Variants in PYROXD1 observed in about 807,000 individuals in gnomAD.
PYROXD1 encodes pyridine nucleotide-disulphide oxidoreductase domain 1.
In PYROXD1, 42 loss-of-function variants were observed where a neutral mutation model predicts 62.0. That is an observed-to-expected ratio of 0.68 (90% CI 0.53 to 0.88). The LOEUF is 0.88. PYROXD1 is among the 40% of genes least tolerant of loss of function. PYROXD1 has a pLI of 0.00. For missense variants in PYROXD1, 493 were observed against 604.8 expected, an observed-to-expected ratio of 0.82 and a Z score of 1.94; for synonymous variants, 170 against 206.4, an observed-to-expected ratio of 0.82 and a Z score of 1.51.
chr12:21,445,289 G>A (rs1942365100), intron 2 of PYROXD1, 58 bp from the exon 3 acceptor site: 1 of 1,438,338 alleles, frequency 7.0e-7, no homozygotes, highest in Admixed American at 2.7e-5. Context: ...TATTATTTAA[G>A]ATTCTTGAAA....
chr12:21,451,500 T>G (rs1022916304), intron 4 of PYROXD1, among the ~76,000 whole-genome samples: 3 of 152,088 alleles, frequency 2.0e-5, no homozygotes, highest in Non-Finnish European at 4.4e-5. Flanking sequence ...TCCTACCAGC[T>G]TTGTCTGTGT....
chr12:21,437,782 G>A lies in PYROXD1; in HGVS notation c.52G>A (p.Gly18Ser), dbSNP rs1012852064. The A allele has an allele frequency of 1.2e-6, 2 of 1,613,066 alleles. No homozygotes were observed. The highest frequency in any genetic ancestry group is 3.3e-5 in the Admixed American group (2 of 59,946). The change falls in exon 1 of 12, where the codon GGC becomes AGC. Residue 18 changes from glycine to serine, a missense_variant. By Grantham distance (56) the Gly-to-Ser change is moderately conservative (BLOSUM62 0). Around this residue, in one of 2 missense-constraint regions of PYROXD1, gnomAD observed 164 missense variants for 158.2 expected, o/e 1.04. Transcript: ENST00000240651. ...PTAGKFVVVG[G>S]GIAGVTCAEQ... ...GGCAGGGAAGTTCGTGGTGGTCGGCGGCGGCATCGCGGGCGTCACTTGTGC... is the reference window on the plus strand; with the variant it reads ...GGCAGGGAAGTTCGTGGTGGTCGGCAGCGGCATCGCGGGCGTCACTTGTGC...
chr12:21,447,318 C>T (rs1273209528), intron 3 of PYROXD1, among the ~76,000 whole-genome samples: 1 of 152,108 alleles, frequency 6.6e-6, no homozygotes, highest in Non-Finnish European at 1.5e-5. Flanking sequence ...AAATCTGAAT[C>T]CCCAAACCAG....
Position 21,468,774 on chromosome 12 carries a change from A to C in PYROXD1, c.*20A>C. On this transcript the variant is annotated 3_prime_UTR_variant, in exon 12 of 12. Transcript: ENST00000240651. ...GACTAAAAATGGAATTTCTTCAGGA[A>C]TCATATAAAGTTCCAAATGACACCA... 1 of 1,594,598 alleles carries C rather than the reference A, an allele frequency of 6.3e-7. No individual in the cohort carries two copies. The highest frequency in any genetic ancestry group is 1.1e-5 in the South Asian group (1 of 88,678).
chr12:21,451,615 C>A (rs1283706293), intron 4 of PYROXD1, among the ~76,000 whole-genome samples: 2 of 152,108 alleles, frequency 1.3e-5, no homozygotes, highest in Non-Finnish European at 2.9e-5. Flanking sequence ...TGCCCAAAGT[C>A]ATTCAGTTAG....
At chr12:21,465,093 A>G (rs1206195054) in intron 10 of PYROXD1, among the ~76,000 whole-genome samples, 3 of 152,132 alleles carry the variant, frequency 2.0e-5, no homozygotes, top group African/African-American at 7.2e-5. Flanking sequence ...GGTTGGTTCC[A>G]AGTCTTTGCT....
chr12:21,468,735 T>C lies in PYROXD1; in HGVS notation c.1484T>C (p.Ile495Thr), dbSNP rs370018142. ...GEDLLDPNIDIEDYFD is the reference protein window; with the variant it reads ...GEDLLDPNIDTEDYFD ...GATCTGCTAGATCCAAATATTGATA[T>C]AGAAGATTATTTTGACTAAAAATGG... Residue 495 changes from isoleucine (I) to threonine (T), a missense_variant, in exon 12 of 12, where the codon ATA becomes ACA. Physicochemically the swap from Ile to Thr is moderately conservative, Grantham distance 89 (BLOSUM62 -1). Transcript: ENST00000240651. 1.7e-5 allele frequency: 27 copies of C among 1,606,560 alleles called. No individual in the cohort carries two copies. The highest frequency in any genetic ancestry group is 1.7e-4 in the Middle Eastern group (1 of 6,018).
intron 10 of PYROXD1, among the ~76,000 whole-genome samples, chr12:21,463,286 T>C (rs1006436103): frequency 3.9e-5 from 6 of 152,206 alleles, no homozygotes; most frequent in African/African-American, 1.4e-4. Context: ...TATATGTGGC[T>C]ACGATGTTGG....
chr12:21,462,460 CAAA>C (rs71043278), intron 9 of PYROXD1, among the ~76,000 whole-genome samples: 3 of 144,506 alleles, frequency 2.1e-5, no homozygotes, highest in African/African-American at 7.6e-5. Flanking sequence ...TTGAAGCTTA[CAAA>C]AAAAAAAAAA....
At chr12:21,448,371 G>A (rs897025583) in intron 3 of PYROXD1, 22 of 248,828 alleles carry the variant, frequency 8.8e-5, no homozygotes, top group Admixed American at 8.4e-4. Context: ...TTACTTTCAC[G>A]TCTCTTGCCA....
At position 21,460,661 on chromosome 12, in the gene PYROXD1, G is replaced by C. The variant is rs1472224975; in HGVS notation, c.751-364G>C. ...TAGTCTTGAACTCCTGACCTCAGGT[G>C]ATCCACCTGCGCCTCGGCCTCCCAG... On this transcript the variant is annotated intron_variant, in intron 7 of 11. Coordinates refer to ENST00000240651, the MANE Select transcript of PYROXD1 (RefSeq NM_024854.5). Among the ~76,000 whole-genome samples the C allele has an allele frequency of 4.6e-5, 7 of 152,268 alleles. No individual in the cohort carries two copies. In the East Asian group the frequency reaches 1.4e-3, roughly 29 times the overall value.
intron 5 of PYROXD1, chr12:21,454,659 A>G (rs911148076): frequency 3.3e-5 from 5 of 151,778 alleles, no homozygotes; most frequent in South Asian, 2.1e-4. Context: ...GATTCTTTCC[A>G]TTTTCTATCC....
intron 4 of PYROXD1, among the ~76,000 whole-genome samples, chr12:21,450,929 A>G (rs781085540): frequency 1.3e-5 from 2 of 152,178 alleles, no homozygotes; most frequent in Non-Finnish European, 2.9e-5. Context: ...GTATGTATCT[A>G]TACTAATTTA....
rs758383283 is a variant in PYROXD1, at chr12:21,449,561, A to G, written c.286-2A>G. The G allele has an allele frequency of 1.9e-6, 3 of 1,610,588 alleles. No individual in the cohort carries two copies. The highest frequency in any genetic ancestry group is 2.5e-6 in the Non-Finnish European group (3 of 1,178,732). The stretch of plus-strand genomic sequence containing the variant: ...TTCTTTCATTGTTTGATGTATTTAC[A>G]GTGCATTGTAACAGAAGATGGCAAT... On this transcript the variant is annotated splice_acceptor_variant, in intron 3 of 11. Transcript: ENST00000240651. LOFTEE classifies it high-confidence loss of function.
chr12:21,461,115 A>G lies in PYROXD1; in HGVS notation c.841A>G (p.Thr281Ala), dbSNP rs763373043. The G allele has an allele frequency of 9.4e-6, 15 of 1,589,796 alleles. No homozygotes were observed. Among genetic ancestry groups the G allele is most frequent in the Admixed American group, 3.5e-5 (2 of 56,940 alleles). Residue 281 changes from threonine to alanine, a missense_variant, in exon 8 of 12, where the codon ACT (threonine) becomes GCT (alanine). By Grantham distance (58) the Thr-to-Ala change is moderately conservative. Around this residue, in one of 2 missense-constraint regions of PYROXD1, gnomAD observed 329 missense variants for 446.6 expected, o/e 0.74. Transcript: ENST00000240651. The stretch of plus-strand genomic sequence containing the variant: ...TAGAATTTTGAAGAAAAAGTCCTTC[A>G]CTTTTCCAAGAGACCATAAGTCAGT... ...EFRILKKKSF[T>A]FPRDHKSVTA...
intron 3 of PYROXD1, among the ~76,000 whole-genome samples, chr12:21,445,824 T>C (rs1159900414): frequency 6.6e-6 from 1 of 152,102 alleles, no homozygotes; most frequent in Non-Finnish European, 1.5e-5. Context: ...TATAATTATA[T>C]TGACATATAA....
In PYROXD1 at chr12:21,470,454, T is replaced by C; in HGVS notation, c.*1700T>C. On this transcript the variant is annotated 3_prime_UTR_variant, in exon 12 of 12. Coordinates refer to ENST00000240651, the MANE Select transcript of PYROXD1 (RefSeq NM_024854.5). ...AATATTCTTTCTGTATCAGTTGGCT[T>C]TTTAAGTATACAGGGGTCTAGTTTT... is the stretch of plus-strand genomic sequence containing the variant. 8.1e-7 allele frequency: 1 copy of C among 1,233,068 alleles called. No individual in the cohort carries two copies. 76.4% of individuals were successfully genotyped at this position (1,233,068 alleles called of 1,614,324 possible).
chr12:21,459,611 A>C (rs895973971), intron 7 of PYROXD1, among the ~76,000 whole-genome samples: 2 of 152,180 alleles, frequency 1.3e-5, no homozygotes, highest in Admixed American at 1.3e-4. Context: ...GAAGTGGAAG[A>C]CAGTCTTGTG....
intron 10 of PYROXD1, among the ~76,000 whole-genome samples, chr12:21,463,370 C>CTT (rs1173036605): frequency 1.3e-5 from 2 of 152,044 alleles, no homozygotes; most frequent in Admixed American, 1.3e-4. Flanking sequence ...CCTTTATGAT[C>CTT]CTATTCTGTC....
Sources: gnomAD v4.1 joint callset for allele counts (sites outside exome capture counted in the v4.1 genomes callset) on GRCh38, gnomAD v4.1.1 for gene constraint, gnomAD v4.1.1 regional missense constraint, MANE v1.5 for transcripts, NCBI Gene and HGNC (gene_info 2026-07-23, HGNC 2026-07-21) for gene names.